Variants in CPS1 observed in about 807,000 individuals in gnomAD.
CPS1 encodes the protein carbamoyl-phosphate synthase 1, also known as carbamoyl-phosphate synthase [ammonia], mitochondrial.
In CPS1, 109 loss-of-function variants were observed where a neutral mutation model predicts 174.6. That is an observed-to-expected ratio of 0.62 (90% CI 0.53 to 0.73). CPS1 has a LOEUF of 0.73. CPS1 is among the 30% of genes least tolerant of loss of function. The pLI is 0.00. For synonymous variants in CPS1, 637 were observed against 632.0 expected, an observed-to-expected ratio of 1.01 and a Z score of -0.12; for missense variants, 1,689 against 1,821.9, an observed-to-expected ratio of 0.93 and a Z score of 1.33.
At chr2:210,634,320 C>G (rs1699964291) in intron 21 of CPS1, among the ~76,000 whole-genome samples, 1 of 152,148 alleles carries the variant, frequency 6.6e-6, no homozygotes, top group Non-Finnish European at 1.5e-5. Flanking sequence ...GTCCCAGCTA[C>G]TCGGGAGGCT....
At chr2:210,531,996 C>G (rs76998999) in intron 1 of CPS1, among the ~76,000 whole-genome samples, 2,866 of 152,178 alleles carry the variant, frequency 0.019, 75 homozygotes, top group African/African-American at 0.065. Flanking sequence ...TTACATGATG[C>G]TTTCTTCCAA....
intron 25 of CPS1, 39 bp downstream of exon 25, chr2:210,642,704 C>G: frequency 6.4e-7 from 1 of 1,560,312 alleles, no homozygotes; most frequent in South Asian, 1.1e-5. Flanking sequence ...AAAAAGAAGA[C>G]AGATATATGT....
chr2:210,565,857 C>T (rs893894730), intron 1 of CPS1, among the ~76,000 whole-genome samples: 35 of 152,262 alleles, frequency 2.3e-4, no homozygotes, highest in Admixed American at 5.9e-4. Context: ...GTTTAAGTGC[C>T]TAGCATGACT....
intron 24 of CPS1, among the ~76,000 whole-genome samples, chr2:210,641,806 A>G (rs1480771090): frequency 2.0e-5 from 3 of 152,242 alleles, no homozygotes; most frequent in Non-Finnish European, 4.4e-5. Flanking sequence ...TTAGAAGACA[A>G]TATCTTAATG....
chr2:210,638,279 A>C (rs1226988331), intron 22 of CPS1, among the ~76,000 whole-genome samples: 1 of 152,138 alleles, frequency 6.6e-6, no homozygotes, highest in African/African-American at 2.4e-5. Context: ...CTTTATATTA[A>C]GTGCCCCATG....
At chr2:210,491,316 T>TG in intron 1 of CPS1, among the ~76,000 whole-genome samples, 1 of 120,418 alleles carries the variant, frequency 8.3e-6, no homozygotes, top group African/African-American at 3.3e-5. Context: ...TGTTTTTTTT[T>TG]TTTTTTTTTT....
At chr2:210,514,179 T>G (rs1021695355) in intron 1 of CPS1, among the ~76,000 whole-genome samples, 3 of 152,030 alleles carry the variant, frequency 2.0e-5, no homozygotes, top group Non-Finnish European at 4.4e-5. Flanking sequence ...CTTTTTTGGT[T>G]CCATATGAAT....
chr2:210,646,702 G>A (rs1396583041), intron 25 of CPS1, among the ~76,000 whole-genome samples: 2 of 151,982 alleles, frequency 1.3e-5, no homozygotes, highest in African/African-American at 2.4e-5. Context: ...GACCTTTAAT[G>A]TTTAGTGTTT....
At chr2:210,604,971 C>T (rs2105847000) in intron 16 of CPS1, 131 bp from the exon 17 acceptor site, 2 of 920,170 alleles carry the variant, frequency 2.2e-6, no homozygotes, top group South Asian at 2.9e-5. Flanking sequence ...GCCTTCTGTG[C>T]AGGGGAGAAT....
chr2:210,584,547 C>T (rs969877039), intron 6 of CPS1, among the ~76,000 whole-genome samples: 7 of 152,022 alleles, frequency 4.6e-5, no homozygotes, highest in South Asian at 4.1e-4. Context: ...TCATAATTAT[C>T]GTGGTCCATT....
At chr2:210,559,650 T>C (rs1201331260) in intron 1 of CPS1, among the ~76,000 whole-genome samples, 1 of 152,180 alleles carries the variant, frequency 6.6e-6, no homozygotes, top group Non-Finnish European at 1.5e-5. Context: ...GCACTCATTA[T>C]TACATTCAGC....
At chr2:210,677,692 C>A (rs1701577638) in intron 37 of CPS1, among the ~76,000 whole-genome samples, 195 bp from the exon 38 acceptor site, 1 of 152,196 alleles carries the variant, frequency 6.6e-6, no homozygotes, top group Non-Finnish European at 1.5e-5. Context: ...ACAGTGACAT[C>A]TGAGATATAA....
At position 210,676,130 on chromosome 2, in the gene CPS1, A is replaced by G. The variant is rs145129112; in HGVS notation, c.4274+290A>G. On this transcript the variant is annotated intron_variant, in intron 36 of 37. Transcript: ENST00000233072. The stretch of plus-strand genomic sequence containing the variant: ...ATGCAGCACTTTATATTTCATGTCA[A>G]ACTTATATTGTGTATAGATAAGTAC... 3.7e-4 allele frequency among the ~76,000 whole-genome samples: 56 copies of G among 152,362 alleles called. 1 individual carries two copies. Among genetic ancestry groups the G allele is most frequent in the African/African-American group, 1.3e-3 (54 of 41,594 alleles).
rs772077620 is a variant in CPS1 at position 210,592,884 on chromosome 2, T to G, written c.1092T>G (p.Ile364Met). The G allele has an allele frequency of 1.1e-5, 17 of 1,612,114 alleles. No individual in the cohort carries two copies. The highest frequency in any genetic ancestry group is 5.1e-6 in the Non-Finnish European group (6 of 1,178,800). ...VNVNDQTNEGIMHESKPFFAV... is the reference protein window; with the variant it reads ...VNVNDQTNEGMMHESKPFFAV... Reference sequence around the variant, plus strand: ...CCTGTTTCTTATTCCTTTAGGGGATTATGCATGAGAGCAAACCCTTCTTCG... The same window carrying G: ...CCTGTTTCTTATTCCTTTAGGGGATGATGCATGAGAGCAAACCCTTCTTCG... Residue 364 changes from isoleucine to methionine, a missense_variant, in exon 11 of 38, where the codon ATT becomes ATG. Physicochemically the swap from Ile to Met is conservative, Grantham distance 10 (BLOSUM62 1). Transcript: ENST00000233072.
intron 1 of CPS1, among the ~76,000 whole-genome samples, chr2:210,508,247 C>T (rs191773050): frequency 0.6 from 89,517 of 148,094 alleles, 27,298 homozygotes; most frequent in South Asian, 0.67. Flanking sequence ...CTCAACTACA[C>T]GGAAACTGAA....
At chr2:210,587,810 ATTG>A (rs1436302802) in intron 6 of CPS1, among the ~76,000 whole-genome samples, 1 of 152,114 alleles carries the variant, frequency 6.6e-6, no homozygotes, top group Non-Finnish European at 1.5e-5. Flanking sequence ...CTTAGAGATC[ATTG>A]TTATTACTAT....
At chr2:210,484,572 A>C (rs548307004) in intron 1 of CPS1, among the ~76,000 whole-genome samples, 46 of 152,266 alleles carry the variant, frequency 3.0e-4, no homozygotes, top group South Asian at 1.0e-3. Flanking sequence ...CAGGAAACCA[A>C]CCATCAGGCC....
chr2:210,637,363 G>A (rs1208341230), intron 21 of CPS1, among the ~76,000 whole-genome samples: 1 of 152,124 alleles, frequency 6.6e-6, no homozygotes, highest in Non-Finnish European at 1.5e-5. Context: ...ACTGAAAAAG[G>A]GCTCCTGGAT....
At chr2:210,564,321 A>G (rs1697209111) in intron 1 of CPS1, among the ~76,000 whole-genome samples, 1 of 152,228 alleles carries the variant, frequency 6.6e-6, no homozygotes, top group Non-Finnish European at 1.5e-5. Flanking sequence ...ATAACCTGTG[A>G]AAGAAATCTC....
Sources: gnomAD v4.1 joint callset for allele counts (sites outside exome capture counted in the v4.1 genomes callset) on GRCh38, gnomAD v4.1.1 for gene constraint, MANE v1.5 for transcripts, NCBI Gene and HGNC (gene_info 2026-07-23, HGNC 2026-07-21) for gene names.